Variants in CALN1 observed in about 807,000 individuals in gnomAD.
CALN1 encodes calcium-binding protein 8.
In CALN1, 17 loss-of-function variants were observed where a neutral mutation model predicts 30.6. The observed-to-expected ratio is 0.56, with a 90% confidence interval of 0.38 to 0.83. The LOEUF is 0.83. CALN1 is among the 40% of genes least tolerant of loss of function. The probability of loss-of-function intolerance (pLI) is 0.00; values close to 1 mark genes in which losing one functional copy is unlikely to be tolerated. For missense variants in CALN1, 291 were observed against 354.9 expected, an observed-to-expected ratio of 0.82 and a Z score of 1.45; for synonymous variants, 156 against 131.4, an observed-to-expected ratio of 1.19 and a Z score of -1.28.
At chr7:72,145,808 T>C (rs2129543768) in intron 3 of CALN1, among the ~76,000 whole-genome samples, 1 of 152,344 alleles carries the variant, frequency 6.6e-6, no homozygotes, top group Non-Finnish European at 1.5e-5. Context: ...GATGCAAGGC[T>C]GGTTCAACAT....
At chr7:71,886,488 T>C (rs1217348325) in intron 5 of CALN1, among the ~76,000 whole-genome samples, 1 of 152,136 alleles carries the variant, frequency 6.6e-6, no homozygotes, top group Non-Finnish European at 1.5e-5. Context: ...TTGCAAGCCT[T>C]CCGGCTGGGC....
chr7:72,238,124 T>A (rs1191093088), intron 3 of CALN1, among the ~76,000 whole-genome samples: 2 of 152,194 alleles, frequency 1.3e-5, no homozygotes, highest in Non-Finnish European at 2.9e-5. Context: ...CTGCAGGTGT[T>A]CACCTTGGGA....
At chr7:72,303,059 G>A (rs1327880440) in intron 2 of CALN1, among the ~76,000 whole-genome samples, 2 of 151,086 alleles carry the variant, frequency 1.3e-5, no homozygotes, top group Non-Finnish European at 2.9e-5. Context: ...CTAACCTGGT[G>A]ACAGAGACAG....
At chr7:71,996,456 C>G (rs1291469714) in intron 5 of CALN1, among the ~76,000 whole-genome samples, 1 of 152,210 alleles carries the variant, frequency 6.6e-6, no homozygotes, top group Non-Finnish European at 1.5e-5. Flanking sequence ...TTGTTCAGCT[C>G]CCACCTATAA....
At chr7:72,457,581 C>T in the CALN1 span, among the ~76,000 whole-genome samples, 1 of 152,032 alleles carries the variant, frequency 6.6e-6, no homozygotes, top group African/African-American at 2.4e-5. Context: ...ACTGGGAAAC[C>T]TTATCCCGAG....
the CALN1 span, among the ~76,000 whole-genome samples, chr7:72,459,539 T>A: frequency 6.9e-6 from 1 of 145,616 alleles, no homozygotes; most frequent in African/African-American, 2.6e-5. Context: ...GGCAGGAGGA[T>A]CCCTTCAGCC....
intron 3 of CALN1, among the ~76,000 whole-genome samples, chr7:72,179,422 G>T (rs1011225779): frequency 6.6e-6 from 1 of 152,154 alleles, no homozygotes; most frequent in African/African-American, 2.4e-5. Context: ...TAAGGCAAGT[G>T]TCACTAAACA....
intron 3 of CALN1, among the ~76,000 whole-genome samples, chr7:72,122,327 GA>G (rs1292984752): frequency 1.3e-5 from 2 of 152,118 alleles, no homozygotes; most frequent in African/African-American, 4.8e-5. Flanking sequence ...CAGGCCAGAA[GA>G]ACAAAATCCA....
At position 72,131,583 on chromosome 7, in the gene CALN1, A is replaced by G. The variant is rs539762649; in HGVS notation, c.245-25289T>C. 1.6e-4 allele frequency among the ~76,000 whole-genome samples: 25 copies of G among 152,322 alleles called. 1 individual carries two copies. In the East Asian group the frequency reaches 4.2e-3, roughly 26 times the overall value. ...AACAGCTTTACCTCCACTCCATTCA[A>G]GAAACCCAACACATGGGCAAATTCT... On this transcript the variant is annotated intron_variant, in intron 3 of 6. Coordinates refer to ENST00000395275, the MANE Select transcript of CALN1 (RefSeq NM_031468.4).
chr7:71,973,580 C>T (rs1562948293), intron 5 of CALN1, among the ~76,000 whole-genome samples: 4 of 152,114 alleles, frequency 2.6e-5, no homozygotes, highest in South Asian at 2.1e-4. Context: ...TATCTCACCG[C>T]GTGGCAAGAG....
intron 2 of CALN1, among the ~76,000 whole-genome samples, chr7:72,311,711 G>A: frequency 7.8e-6 from 1 of 128,418 alleles, no homozygotes; most frequent in South Asian, 2.4e-4. Context: ...TGCCCAGGCT[G>A]GTCTCGAACT....
At chr7:72,064,076 C>T (rs959166050) in intron 4 of CALN1, among the ~76,000 whole-genome samples, 1 of 152,070 alleles carries the variant, frequency 6.6e-6, no homozygotes, top group Non-Finnish European at 1.5e-5. Context: ...GAGTTCGAGA[C>T]CAGCCTGTCC....
rs573112432 is a variant in CALN1 at position 71,796,175 on chromosome 7, T to C, written c.659-8273A>G. Among the ~76,000 whole-genome samples the C allele has an allele frequency of 3.4e-3, 524 of 152,196 alleles. 5 individuals are homozygous for C. The highest frequency in any genetic ancestry group is 0.011 in the African/African-American group (460 of 41,532). On this transcript the variant is annotated intron_variant, in intron 6 of 6. Coordinates refer to ENST00000395275, the MANE Select transcript of CALN1 (RefSeq NM_031468.4). ...AATATTTTATTGTATGAATATGTCA[T>C]ACTTTGTTTATCCATTCGTAAGCTA... is the stretch of plus-strand genomic sequence containing the variant.
chr7:72,433,777 AT>A (rs1454144421), intron 1 of CALN1, among the ~76,000 whole-genome samples: 2 of 152,112 alleles, frequency 1.3e-5, no homozygotes, highest in Non-Finnish European at 2.9e-5. Flanking sequence ...CAAAATGTAC[AT>A]TGGAGGCGGG....
At chr7:72,298,993 A>AT (rs1799060796) in intron 2 of CALN1, among the ~76,000 whole-genome samples, 1 of 152,080 alleles carries the variant, frequency 6.6e-6, no homozygotes, top group African/African-American at 2.4e-5. Flanking sequence ...AGTCTCTGGT[A>AT]TGTCTTTATC....
At chr7:72,299,376 T>C (rs375668840) in intron 2 of CALN1, among the ~76,000 whole-genome samples, 1 of 152,202 alleles carries the variant, frequency 6.6e-6, no homozygotes, top group Middle Eastern at 3.4e-3. Flanking sequence ...AAGAGACTAT[T>C]TAAGAGGAGA....
chr7:72,174,442 A>G (rs1789189712), intron 3 of CALN1, among the ~76,000 whole-genome samples: 1 of 152,246 alleles, frequency 6.6e-6, no homozygotes, highest in Admixed American at 6.5e-5. Flanking sequence ...AAAACATTCA[A>G]AGAAGCTTTA....
At chr7:72,155,356 G>C (rs1192578512) in intron 3 of CALN1, among the ~76,000 whole-genome samples, 1 of 151,942 alleles carries the variant, frequency 6.6e-6, no homozygotes, top group Middle Eastern at 3.2e-3. Flanking sequence ...GCCGGGCGTG[G>C]TGGCAGGTGC....
At chr7:72,213,016 C>T (rs934918226) in intron 3 of CALN1, among the ~76,000 whole-genome samples, 3 of 152,204 alleles carry the variant, frequency 2.0e-5, no homozygotes, top group Admixed American at 1.3e-4. Context: ...ACCCTCCTTG[C>T]TGTGGGCTCT....
Sources: gnomAD v4.1 joint callset for allele counts (sites outside exome capture counted in the v4.1 genomes callset) on GRCh38, gnomAD v4.1.1 for gene constraint, MANE v1.5 for transcripts, NCBI Gene and HGNC (gene_info 2026-07-23, HGNC 2026-07-21) for gene names.